Variants in DSE observed in about 807,000 individuals in gnomAD.
DSE encodes dermatan sulfate epimerase.
In DSE, 36 loss-of-function variants were observed where a neutral mutation model predicts 84.4. That is an observed-to-expected ratio of 0.43 (90% CI 0.33 to 0.56). The LOEUF (loss-of-function observed/expected upper bound fraction) is 0.56, where lower values mean the gene tolerates loss of function less well. Ranked by LOEUF, DSE falls within the 20% of genes least tolerant of loss-of-function variation. The pLI is 0.06. For missense variants in DSE, 862 were observed against 1,169.6 expected, an observed-to-expected ratio of 0.74 and a Z score of 3.84; for synonymous variants, 410 against 430.1, an observed-to-expected ratio of 0.95 and a Z score of 0.58.
chr6:116,261,771 C>G (rs1171169690), intron 2 of DSE, among the ~76,000 whole-genome samples: 3 of 152,130 alleles, frequency 2.0e-5, no homozygotes, highest in Admixed American at 2.0e-4. Flanking sequence ...GAGGTATGTT[C>G]TTTCAATACC....
At chr6:116,274,989 TAATTA>T (rs1191238784) in intron 2 of DSE, among the ~76,000 whole-genome samples, 2 of 152,226 alleles carry the variant, frequency 1.3e-5, no homozygotes, top group Non-Finnish European at 2.9e-5. Flanking sequence ...AAAATGAGGA[TAATTA>T]ATTTTTCAAT....
intron 2 of DSE, among the ~76,000 whole-genome samples, chr6:116,282,265 GTTTCT>G (rs1773589273): frequency 6.6e-6 from 1 of 152,168 alleles, no homozygotes; most frequent in South Asian, 2.1e-4. Flanking sequence ...CACAAAGACT[GTTTCT>G]AATTGCCATG....
exon 2 of DSE, chr6:116,258,585 G>A (rs763089311): frequency 2.9e-5 from 47 of 1,606,218 alleles, no homozygotes; most frequent in Non-Finnish European, 4.0e-5. Context: ...CAGCATTGAT[G>A]AGCTCCTCTG....
intron 1 of DSE, among the ~76,000 whole-genome samples, chr6:116,395,573 C>T (rs530496217): frequency 2.5e-4 from 38 of 151,466 alleles, no homozygotes; most frequent in Non-Finnish European, 4.1e-4. Flanking sequence ...TATCCATTTA[C>T]TTTTTTTTTA....
At chr6:116,308,757 A>C (rs965511064) in intron 2 of DSE, among the ~76,000 whole-genome samples, 1 of 151,926 alleles carries the variant, frequency 6.6e-6, no homozygotes, top group African/African-American at 2.4e-5. Flanking sequence ...GGCTCACTGC[A>C]AGCTCCGCCT....
chr6:116,419,081 C>T (rs1338627042), intron 2 of DSE, among the ~76,000 whole-genome samples: 1 of 152,174 alleles, frequency 6.6e-6, no homozygotes. Flanking sequence ...GGACGCCAAG[C>T]CAGGCCAGAG....
chr6:116,279,887 T>C, intron 2 of DSE: 1 of 1,611,634 alleles, frequency 6.2e-7, no homozygotes, highest in African/African-American at 1.3e-5. Flanking sequence ...GAGGCCGAAC[T>C]GGGAGCTAAC....
chr6:116,274,195 T>C (rs559419032), intron 2 of DSE, among the ~76,000 whole-genome samples: 3 of 152,276 alleles, frequency 2.0e-5, no homozygotes, highest in Admixed American at 2.0e-4. Flanking sequence ...ATATTTTCCT[T>C]TTCTGTTGCT....
At chr6:116,311,722 T>C (rs1161318146) in intron 2 of DSE, among the ~76,000 whole-genome samples, 3 of 152,358 alleles carry the variant, frequency 2.0e-5, no homozygotes, top group South Asian at 2.1e-4. Flanking sequence ...GTGTATGGAA[T>C]GCTCTTCTCC....
intron 2 of DSE, among the ~76,000 whole-genome samples, chr6:116,401,558 A>G (rs1485182409): frequency 6.6e-6 from 1 of 152,094 alleles, no homozygotes; most frequent in Non-Finnish European, 1.5e-5. Context: ...CTACTTGAAC[A>G]TTTTGTTTTG....
At chr6:116,304,121 TC>T (rs1775203164) in intron 2 of DSE, among the ~76,000 whole-genome samples, 1 of 123,002 alleles carries the variant, frequency 8.1e-6, no homozygotes, top group African/African-American at 3.5e-5. Context: ...AGACTCCGTC[TC>T]AAAAAAAAAA....
intron 1 of DSE, among the ~76,000 whole-genome samples, chr6:116,397,584 T>C (rs1442246206): frequency 6.6e-6 from 1 of 152,164 alleles, no homozygotes; most frequent in Non-Finnish European, 1.5e-5. Context: ...GCCATTTCTG[T>C]GTGCTGCCAG....
At chr6:116,278,678 T>A (rs746483626) in intron 2 of DSE, 2 of 1,614,148 alleles carry the variant, frequency 1.2e-6, no homozygotes, top group African/African-American at 1.3e-5. Flanking sequence ...TCTGGAAGGC[T>A]GTGGTCTGAA....
chr6:116,437,322 T>A lies in DSE; in HGVS notation c.2854T>A (p.Ser952Thr), dbSNP rs781025050. Residue 952 changes from serine to threonine, a missense_variant, in exon 6 of 6, where the codon TCT becomes ACT. Around this residue, in one of 4 missense-constraint regions of DSE, gnomAD observed 315 missense variants for 348.1 expected, o/e 0.90. Transcript: ENST00000644252. ...DSCILLWLYS[S>T]CSQSQC Reference sequence around the variant, plus strand: ...CTGTATTTTATTATGGTTGTACTCTTCTTGTTCCCAATCACAGTGTTAGCA... The same window carrying A: ...CTGTATTTTATTATGGTTGTACTCTACTTGTTCCCAATCACAGTGTTAGCA... 3.7e-6 allele frequency: 6 copies of A among 1,611,752 alleles called. No homozygotes were observed. The Admixed American group carries it at 1.0e-4, about 27-fold the overall frequency.
intron 1 of DSE, among the ~76,000 whole-genome samples, chr6:116,397,317 C>A (rs1781318765): frequency 6.7e-6 from 1 of 149,410 alleles, no homozygotes; most frequent in African/African-American, 2.5e-5. Flanking sequence ...CAAGCGATTC[C>A]TGCCTCAACC....
intron 2 of DSE, among the ~76,000 whole-genome samples, chr6:116,316,823 C>CTGCTATTAT (rs1554211535): frequency 6.5e-4 from 57 of 88,314 alleles, no homozygotes; most frequent in African/African-American, 2.7e-3. Flanking sequence ...ACTACTACTA[C>CTGCTATTAT]TACTATTATT....
intron 2 of DSE, among the ~76,000 whole-genome samples, chr6:116,283,892 C>A (rs184535009): frequency 6.6e-6 from 1 of 152,276 alleles, no homozygotes; most frequent in East Asian, 1.9e-4. Flanking sequence ...ATAAAATAAA[C>A]CTCAAATTAT....
chr6:116,402,453 A>C (rs1306545043), intron 2 of DSE, among the ~76,000 whole-genome samples: 1 of 152,156 alleles, frequency 6.6e-6, no homozygotes, highest in African/African-American at 2.4e-5. Context: ...TAACAACCCT[A>C]TCTACCTTAT....
At chr6:116,315,940 A>T (rs890051592) in intron 2 of DSE, among the ~76,000 whole-genome samples, 28 of 152,164 alleles carry the variant, frequency 1.8e-4, no homozygotes, top group Non-Finnish European at 3.7e-4. Context: ...CAGTCAGCAA[A>T]GATCGCACCA....
Sources: allele counts gnomAD v4.1 joint callset (sites outside exome capture counted in the v4.1 genomes callset), GRCh38; gene constraint gnomAD v4.1.1; regional missense constraint gnomAD v4.1.1; transcripts MANE v1.5; gene names NCBI Gene and HGNC (gene_info 2026-07-23, HGNC 2026-07-21).